RNF24: variants seen among roughly 807,000 people sequenced by gnomAD.
The protein encoded by RNF24 is ring finger protein 24.
A neutral mutation model predicts 20.0 loss-of-function variants in RNF24; 14 were observed. The ratio of observed to expected loss-of-function variants is 0.70; its 90% CI spans 0.46 to 1.10. The LOEUF is 1.10. Ranked by LOEUF, RNF24 falls within the 50% of genes least tolerant of loss-of-function variation. The pLI is 0.00. For synonymous variants in RNF24, 45 were observed against 61.1 expected (o/e 0.74, Z 1.23); for missense variants, 124 against 177.6 (o/e 0.70, Z 1.71).
At chr20:4,014,967 G>A (rs1343475492) in intron 1 of RNF24, among the ~76,000 whole-genome samples, 1 of 152,204 alleles carries the variant, frequency 6.6e-6, no homozygotes, top group African/African-American at 2.4e-5. Context: ...GGGAGGAGTG[G>A]ACGGGGACCA....
rs959184964 is a variant in RNF24, at chr20:3,931,663, A to C, written c.*2400T>G. ...GACTAGGAGCAGAAAAAGTACTCTC[A>C]CTGTTCCAGCTTCCAGCCCAATCCT... On this transcript the variant is annotated 3_prime_UTR_variant, in exon 6 of 6. Coordinates refer to ENST00000358395, the MANE Select transcript of RNF24 (RefSeq NM_001134337.3). 1 of 152,198 alleles carries C rather than the reference A, an allele frequency of 6.6e-6. No homozygotes were observed. Among genetic ancestry groups the C allele is most frequent in the Non-Finnish European group, 1.5e-5 (1 of 68,048 alleles). 9.4% of individuals were successfully genotyped at this position (152,198 alleles called of 1,614,324 possible).
At chr20:3,936,732 A>AGATT (rs2090895709) in intron 4 of RNF24, among the ~76,000 whole-genome samples, 1 of 152,176 alleles carries the variant, frequency 6.6e-6, no homozygotes, top group Non-Finnish European at 1.5e-5. Flanking sequence ...TGTCCTCTGG[A>AGATT]GATTTAGCAC....
chr20:3,963,828 T>A, intron 2 of RNF24, 47 bp downstream of exon 2: 1 of 1,436,158 alleles, frequency 7.0e-7, no homozygotes, highest in Non-Finnish European at 9.5e-7. Flanking sequence ...ACTTGATTAT[T>A]GATTATTTAA....
intron 1 of RNF24, among the ~76,000 whole-genome samples, chr20:4,011,490 G>A (rs1459729510): frequency 6.6e-6 from 1 of 152,168 alleles, no homozygotes; most frequent in Non-Finnish European, 1.5e-5. Flanking sequence ...CAGTAGTCCA[G>A]GGAGCAAACA....
chr20:3,963,598 A>T (rs1258405472), intron 2 of RNF24, among the ~76,000 whole-genome samples: 1 of 152,232 alleles, frequency 6.6e-6, no homozygotes, highest in Non-Finnish European at 1.5e-5. Flanking sequence ...GGAGATAGAC[A>T]ATGACATACG....
At position 3,932,213 on chromosome 20, in the gene RNF24, C is replaced by CCGTT. The variant is rs1489722029; in HGVS notation, c.*1849_*1850insAACG. The CCGTT allele has an allele frequency of 1.3e-5, 2 of 152,186 alleles. No homozygotes were observed. The highest frequency in any genetic ancestry group is 2.9e-5 in the Non-Finnish European group (2 of 68,036). The allele number at this position is 152,186 out of a possible 1,614,324, so 9.4% of individuals were successfully genotyped here. The stretch of plus-strand genomic sequence containing the variant: ...GATATTGGTCACTGAAAACAGCTCA[C>CCGTT]TATAAACGGGGTGTTTTGTGGCATT... On this transcript the variant is annotated 3_prime_UTR_variant, in exon 6 of 6. Transcript: ENST00000358395.
At chr20:3,964,393 C>CT (rs1402579996) in intron 1 of RNF24, among the ~76,000 whole-genome samples, 1 of 152,160 alleles carries the variant, frequency 6.6e-6, no homozygotes, top group East Asian at 1.9e-4. Context: ...AACCTAATAA[C>CT]TCAACCCTTG....
intron 1 of RNF24, among the ~76,000 whole-genome samples, chr20:3,986,792 G>A (rs1372358791): frequency 6.6e-6 from 1 of 151,956 alleles, no homozygotes; most frequent in Non-Finnish European, 1.5e-5. Flanking sequence ...GGGACTACAG[G>A]CACGTGCCAC....
intron 4 of RNF24, among the ~76,000 whole-genome samples, chr20:3,943,764 A>G (rs2090984716): frequency 6.6e-6 from 1 of 152,214 alleles, no homozygotes; most frequent in Non-Finnish European, 1.5e-5. Context: ...AGGTCACACC[A>G]GTAAGGAAGA....
At chr20:3,947,256 C>T (rs893946588) in intron 3 of RNF24, among the ~76,000 whole-genome samples, 1 of 152,118 alleles carries the variant, frequency 6.6e-6, no homozygotes, top group African/African-American at 2.4e-5. Flanking sequence ...TCAGCGTCAG[C>T]AAGGTTAAAG....
At chr20:4,009,529 CTACA>C (rs1196625902) in intron 1 of RNF24, among the ~76,000 whole-genome samples, 1 of 152,054 alleles carries the variant, frequency 6.6e-6, no homozygotes, top group Non-Finnish European at 1.5e-5. Context: ...AGGCAGATTT[CTACA>C]TTTGGTTGGG....
chr20:4,009,797 A>G (rs551374910), intron 1 of RNF24, among the ~76,000 whole-genome samples: 1 of 152,288 alleles, frequency 6.6e-6, no homozygotes, highest in Admixed American at 6.5e-5. Context: ...GTGTCATGGA[A>G]AAGCCAAATG....
rs1002973520 is a variant in RNF24 at position 3,927,761 on chromosome 20, G to A, written c.*6302C>T. On this transcript the variant is annotated 3_prime_UTR_variant, in exon 6 of 6. Transcript: ENST00000358395. ...AGATGGAGAGGAACGGTGTGCAGTG[G>A]GCGTGAGATGCAGATCCACCAGGCT... 6.6e-6 allele frequency: 1 copy of A among 152,274 alleles called. No homozygotes were observed. Among genetic ancestry groups the A allele is most frequent in the Non-Finnish European group, 1.5e-5 (1 of 68,092 alleles). 9.4% of individuals were successfully genotyped at this position (152,274 alleles called of 1,614,324 possible). A position where few individuals can be genotyped will look rare whatever the true frequency, so the allele number is the denominator to read the frequency against.
At chr20:4,010,504 G>C (rs1982376667) in intron 1 of RNF24, among the ~76,000 whole-genome samples, 2 of 152,086 alleles carry the variant, frequency 1.3e-5, no homozygotes, top group Non-Finnish European at 2.9e-5. Context: ...CAATATATTT[G>C]TCACATTTAA....
chr20:3,946,495 T>C (rs241636), intron 3 of RNF24, among the ~76,000 whole-genome samples: 49,893 of 150,548 alleles, frequency 0.33, 9,362 homozygotes, highest in African/African-American at 0.52. Flanking sequence ...ATGATAGGAG[T>C]CTGGGCAACA....
At chr20:3,942,967 C>CA (rs1772455170) in intron 4 of RNF24, among the ~76,000 whole-genome samples, 1 of 152,108 alleles carries the variant, frequency 6.6e-6, no homozygotes, top group Admixed American at 6.5e-5. Context: ...AGGTGTCCAT[C>CA]ACCGCGCCTG....
At chr20:4,009,062 C>G (rs1982215693) in intron 1 of RNF24, among the ~76,000 whole-genome samples, 1 of 152,178 alleles carries the variant, frequency 6.6e-6, no homozygotes, top group African/African-American at 2.4e-5. Context: ...ACTGAGTAGA[C>G]ACTTGTGCCA....
chr20:3,997,229 C>CAAAAAAAAAAAAAAAAAA (rs1227396478), intron 1 of RNF24, among the ~76,000 whole-genome samples: 1 of 51,234 alleles, frequency 2.0e-5, no homozygotes, highest in Non-Finnish European at 3.7e-5. Context: ...GACTCCATCT[C>CAAAAAAAAAAAAAAAAAA]AAAAAAAAAA....
intron 1 of RNF24, among the ~76,000 whole-genome samples, chr20:4,006,247 T>G (rs935222617): frequency 6.6e-6 from 1 of 152,068 alleles, no homozygotes; most frequent in Non-Finnish European, 1.5e-5. Flanking sequence ...CGCATGCCTG[T>G]AATCCTAGCT....
Sources: allele counts gnomAD v4.1 joint callset (sites outside exome capture counted in the v4.1 genomes callset), GRCh38; gene constraint gnomAD v4.1.1; transcripts MANE v1.5; gene names NCBI Gene and HGNC (gene_info 2026-07-23, HGNC 2026-07-21).